The following TDRD12 variants were observed in gnomAD, a reference collection of about 807,000 sequenced individuals.
TDRD12 encodes the protein putative ATP-dependent RNA helicase TDRD12.
A neutral mutation model predicts 133.5 loss-of-function variants in TDRD12; 158 were observed. The observed-to-expected ratio is 1.18, with a 90% CI of 1.04 to 1.35. The LOEUF is 1.35. TDRD12 is among the 40% of genes most tolerant of loss of function. The pLI is 0.00. For synonymous variants in TDRD12, 460 were observed against 477.9 expected, an observed-to-expected ratio of 0.96 and a Z score of 0.49; for missense variants, 1,443 against 1,321.3, an observed-to-expected ratio of 1.09 and a Z score of -1.43.
In TDRD12 at chr19:32,797,212, C is replaced by T. The variant is rs908145498; in HGVS notation, c.1474-523C>T. 3.9e-5 allele frequency among the ~76,000 whole-genome samples: 6 copies of T among 152,194 alleles called. No individual in the cohort carries two copies. In the South Asian group the frequency reaches 8.3e-4, roughly 21 times the overall value. On this transcript the variant is annotated intron_variant, in intron 14 of 27. Transcript: ENST00000444215. ...GTCAGGCTGGTCTCACACTCCTGAC[C>T]TCGGGTGATCCACCTGACTCAGCCT...
exon 9 of TDRD12, chr19:32,772,759 C>G: frequency 6.7e-7 from 1 of 1,498,694 alleles, no homozygotes; most frequent in Non-Finnish European, 8.9e-7. Flanking sequence ...GCAGACAAAG[C>G]TGTAAAATGT....
intron 21 of TDRD12, among the ~76,000 whole-genome samples, chr19:32,807,194 A>C (rs979781008): frequency 4.2e-5 from 6 of 141,878 alleles, no homozygotes; most frequent in African/African-American, 1.5e-4. Context: ...TGAGCCCAGG[A>C]GTTAAGAGGC....
exon 1 of TDRD12, chr19:32,720,044 G>T: frequency 6.5e-7 from 1 of 1,547,722 alleles, no homozygotes; most frequent in Non-Finnish European, 8.7e-7. Flanking sequence ...CAGGGCGAGG[G>T]GGCCCATCTG....
intron 4 of TDRD12, 27 bp downstream of exon 4, chr19:32,742,927 A>G: frequency 6.5e-7 from 1 of 1,548,154 alleles, no homozygotes; most frequent in Non-Finnish European, 8.7e-7. Flanking sequence ...AAGTCCTTCG[A>G]ATCATTAGTA....
chr19:32,810,335 G>A (rs776572007), intron 23 of TDRD12, 58 bp downstream of exon 23: 111 of 1,366,516 alleles, frequency 8.1e-5, no homozygotes, highest in Non-Finnish European at 1.0e-4. Context: ...ACTAAGTGGT[G>A]TTGAGTTCCG....
chr19:32,796,931 T>C (rs1971244927), intron 14 of TDRD12, among the ~76,000 whole-genome samples: 1 of 151,826 alleles, frequency 6.6e-6, no homozygotes, highest in Admixed American at 6.6e-5. Context: ...ACCTGTCGGC[T>C]TGCAGAGGGC....
At chr19:32,762,493 C>T (rs757657227) in intron 8 of TDRD12, among the ~76,000 whole-genome samples, 8 of 152,074 alleles carry the variant, frequency 5.3e-5, no homozygotes, top group Admixed American at 6.6e-5. Context: ...AGCTCATTGA[C>T]GCTAGAGAAG....
intron 1 of TDRD12, among the ~76,000 whole-genome samples, chr19:32,724,465 A>G (rs1428429919): frequency 6.6e-6 from 1 of 152,120 alleles, no homozygotes; most frequent in African/African-American, 2.4e-5. Context: ...ATAAGTGAGA[A>G]CATACGGTGT....
chr19:32,720,039 C>T (rs753133001), exon 1 of TDRD12: 11 of 1,547,000 alleles, frequency 7.1e-6, no homozygotes, highest in Middle Eastern at 3.4e-4. Context: ...ACTTCCAGGG[C>T]GAGGGGGCCC....
At chr19:32,800,399 G>C in intron 17 of TDRD12, 41 bp downstream of exon 17, 2 of 1,376,276 alleles carry the variant, frequency 1.5e-6, no homozygotes, top group Non-Finnish European at 1.9e-6. Flanking sequence ...GTGTGTGTGT[G>C]TGTATGTGTT....
chr19:32,722,824 C>T (rs1490696881), intron 1 of TDRD12, among the ~76,000 whole-genome samples: 3 of 151,492 alleles, frequency 2.0e-5, no homozygotes, highest in Non-Finnish European at 4.4e-5. Flanking sequence ...GGATTACAGG[C>T]GCGTGCCACC....
At chr19:32,815,822 C>T (rs545199843) in intron 26 of TDRD12, among the ~76,000 whole-genome samples, 2 of 152,052 alleles carry the variant, frequency 1.3e-5, no homozygotes, top group African/African-American at 4.8e-5. Context: ...GGTGAAACCC[C>T]GTTTTTACTA....
At chr19:32,804,489 C>T (rs1167351811) in intron 21 of TDRD12, among the ~76,000 whole-genome samples, 1 of 150,700 alleles carries the variant, frequency 6.6e-6, no homozygotes, top group Non-Finnish European at 1.5e-5. Context: ...GTCAAGAGAT[C>T]GAGACCATCC....
At chr19:32,743,269 C>T (rs555054591) in intron 4 of TDRD12, among the ~76,000 whole-genome samples, 51 of 152,300 alleles carry the variant, frequency 3.3e-4, no homozygotes, top group Non-Finnish European at 5.9e-5. Context: ...GCAGCTTCAC[C>T]CTCCTGGGTT....
chr19:32,741,913 C>T (rs981799815), intron 3 of TDRD12, among the ~76,000 whole-genome samples: 1 of 152,130 alleles, frequency 6.6e-6, no homozygotes, highest in East Asian at 1.9e-4. Context: ...ATAAAGTGCT[C>T]TGTCGTTTGC....
At chr19:32,738,218 C>T (rs557756050) in intron 2 of TDRD12, among the ~76,000 whole-genome samples, 1 of 152,290 alleles carries the variant, frequency 6.6e-6, no homozygotes, top group Non-Finnish European at 1.5e-5. Context: ...ACATGATTGA[C>T]AATCATTCCT....
At position 32,771,157 on chromosome 19, in the gene TDRD12, A is replaced by AGT. The variant is rs1371917585; in HGVS notation, c.866-1594_866-1593dup. 3.3e-5 allele frequency among the ~76,000 whole-genome samples: 5 copies of AGT among 152,166 alleles called. No homozygotes were observed. The East Asian group carries it at 9.7e-4, about 29-fold the overall frequency. On this transcript the variant is annotated intron_variant, in intron 8 of 27. Transcript: ENST00000444215. Reference sequence around the variant, plus strand: ...AGAGAGGAAGAGAGAAAGTGGAGGGAGTGCTAGGCTATTTATTTATTTAGA... The same window carrying AGT: ...AGAGAGGAAGAGAGAAAGTGGAGGGAGTGTGCTAGGCTATTTATTTATTTAGA...
At chr19:32,739,141 C>T (rs767404899) in intron 3 of TDRD12, 149 bp downstream of exon 3, 251 of 1,023,838 alleles carry the variant, frequency 2.5e-4, no homozygotes, top group Non-Finnish European at 3.2e-4. Flanking sequence ...GGGGTGCTTT[C>T]TGGGTTTCAG....
chr19:32,756,010 C>T (rs1423246146), exon 7 of TDRD12: 1 of 1,467,892 alleles, frequency 6.8e-7, no homozygotes, highest in Non-Finnish European at 8.9e-7. Context: ...TAATGATGAT[C>T]TTGTTGCAAA....
Sources: allele counts gnomAD v4.1 joint callset (sites outside exome capture counted in the v4.1 genomes callset), GRCh38; gene constraint gnomAD v4.1.1; transcripts MANE v1.5; gene names NCBI Gene and HGNC (gene_info 2026-07-23, HGNC 2026-07-21).